The following RABGAP1L variants were observed in gnomAD, a reference collection of about 807,000 sequenced individuals.
RABGAP1L encodes RAB GTPase activating protein 1 like, also known as rab GTPase-activating protein 1-like.
Under a neutral mutation model 137.7 loss-of-function variants are expected in RABGAP1L, and 63 were observed. The ratio of observed to expected loss-of-function variants is 0.46; its 90% CI spans 0.37 to 0.56. The LOEUF is 0.56. Ranked by LOEUF, RABGAP1L falls within the 20% of genes least tolerant of loss-of-function variation. The pLI is 0.00. For missense variants in RABGAP1L, 1,095 were observed against 1,244.0 expected, an observed-to-expected ratio of 0.88 and a Z score of 1.80; for synonymous variants, 431 against 433.7, an observed-to-expected ratio of 0.99 and a Z score of 0.08.
At chr1:174,847,389 T>C (rs370179071) in intron 19 of RABGAP1L, among the ~76,000 whole-genome samples, 8,549 of 151,274 alleles carry the variant, frequency 0.057, 323 homozygotes, top group Non-Finnish European at 0.087. Flanking sequence ...CCATGTTTAG[T>C]GCTTCCTTCA....
At chr1:174,673,497 A>T (rs532446236) in intron 14 of RABGAP1L, among the ~76,000 whole-genome samples, 1 of 152,206 alleles carries the variant, frequency 6.6e-6, no homozygotes, top group Admixed American at 6.5e-5. Context: ...CAGGTACCTG[A>T]GATGAGCTAT....
rs141779346 is a variant in RABGAP1L at position 174,684,564 on chromosome 1, A to G, written c.1899+968A>G. On this transcript the variant is annotated intron_variant, in intron 15 of 25. Coordinates refer to ENST00000681986, the MANE Select transcript of RABGAP1L (RefSeq NM_001366446.1). Reference sequence around the variant, plus strand: ...TTTATTCTAGAGCTAATGAGGAACCATTGATCACTTTGGAGCAAGGGAATA... The same window carrying G: ...TTTATTCTAGAGCTAATGAGGAACCGTTGATCACTTTGGAGCAAGGGAATA... Among the ~76,000 whole-genome samples, 109 of 152,328 alleles carry G rather than the reference A, an allele frequency of 7.2e-4. 1 individual carries two copies. Among genetic ancestry groups the G allele is most frequent in the African/African-American group, 2.4e-3 (101 of 41,576 alleles).
chr1:174,415,555 A>C (rs1248013849), intron 13 of RABGAP1L, among the ~76,000 whole-genome samples: 2 of 152,058 alleles, frequency 1.3e-5, no homozygotes, highest in African/African-American at 4.8e-5. Context: ...ATAGGTGACA[A>C]ATTTTTTGAA....
chr1:174,543,304 ATAGT>A (rs1238313708), intron 13 of RABGAP1L, among the ~76,000 whole-genome samples: 1 of 152,068 alleles, frequency 6.6e-6, no homozygotes, highest in Non-Finnish European at 1.5e-5. Context: ...TATATTTAGG[ATAGT>A]TAGTTCTTCT....
chr1:174,475,976 ATCTT>A (rs1658467300), intron 13 of RABGAP1L, among the ~76,000 whole-genome samples: 1 of 151,972 alleles, frequency 6.6e-6, no homozygotes, highest in South Asian at 2.1e-4. Flanking sequence ...AAGATTGTAA[ATCTT>A]TCTAAGTTGA....
chr1:174,630,838 A>C (rs898429045), intron 13 of RABGAP1L, among the ~76,000 whole-genome samples: 19 of 140,316 alleles, frequency 1.4e-4, no homozygotes, highest in East Asian at 7.1e-4. Context: ...CCTTTCAAAA[A>C]ACCAGCTCCT....
intron 19 of RABGAP1L, among the ~76,000 whole-genome samples, chr1:174,819,135 A>C (rs978386759): frequency 7.0e-6 from 1 of 142,026 alleles, no homozygotes; most frequent in Non-Finnish European, 1.5e-5. Context: ...GTGAGCTATG[A>C]CTGTGTCATT....
intron 11 of RABGAP1L, among the ~76,000 whole-genome samples, chr1:174,337,882 A>G (rs1450232060): frequency 1.3e-5 from 2 of 152,176 alleles, no homozygotes; most frequent in Non-Finnish European, 2.9e-5. Context: ...TGATTCTGAG[A>G]TGACAAAAAG....
intron 13 of RABGAP1L, among the ~76,000 whole-genome samples, chr1:174,426,122 A>G (rs1651926168): frequency 6.6e-6 from 1 of 152,030 alleles, no homozygotes; most frequent in African/African-American, 2.4e-5. Flanking sequence ...ACCACCAACA[A>G]TTTTGTTTCC....
At chr1:174,222,153 A>G (rs965645978) in intron 3 of RABGAP1L, among the ~76,000 whole-genome samples, 1 of 152,170 alleles carries the variant, frequency 6.6e-6, no homozygotes, top group African/African-American at 2.4e-5. Flanking sequence ...CGGATTAAAT[A>G]AAAGTTCTGA....
intron 18 of RABGAP1L, among the ~76,000 whole-genome samples, chr1:174,774,703 G>A (rs1686389910): frequency 6.6e-6 from 1 of 151,978 alleles, no homozygotes; most frequent in African/African-American, 2.4e-5. Context: ...AACATAGAGA[G>A]ACCTCATCTC....
intron 2 of RABGAP1L, among the ~76,000 whole-genome samples, chr1:174,219,644 T>C (rs1669603915): frequency 6.6e-6 from 1 of 152,240 alleles, no homozygotes; most frequent in Non-Finnish European, 1.5e-5. Flanking sequence ...TTGCTTTCAC[T>C]TGAGAGACTT....
At chr1:174,705,694 A>T (rs533084716) in intron 17 of RABGAP1L, 1 of 152,300 alleles carries the variant, frequency 6.6e-6, no homozygotes, top group East Asian at 1.9e-4. Flanking sequence ...CCACTAACTC[A>T]TCTTTGTCAA....
At chr1:174,414,608 AT>A (rs200956227) in intron 13 of RABGAP1L, among the ~76,000 whole-genome samples, 4 of 151,506 alleles carry the variant, frequency 2.6e-5, no homozygotes, top group East Asian at 1.9e-4. Context: ...GTGCTCCATG[AT>A]TTTTTTTTAA....
chr1:174,890,398 C>T (rs901185468), intron 19 of RABGAP1L, among the ~76,000 whole-genome samples: 2 of 152,172 alleles, frequency 1.3e-5, no homozygotes, highest in African/African-American at 4.8e-5. Flanking sequence ...CTCTCTCTCC[C>T]TACCATAGTA....
At chr1:174,398,785 G>A (rs185384083) in intron 13 of RABGAP1L, among the ~76,000 whole-genome samples, 17 of 152,184 alleles carry the variant, frequency 1.1e-4, no homozygotes, top group Admixed American at 1.1e-3. Context: ...AGAGAAAATA[G>A]GTATTGAGTA....
At chr1:174,583,018 A>G (rs765122557) in intron 13 of RABGAP1L, among the ~76,000 whole-genome samples, 20 of 152,224 alleles carry the variant, frequency 1.3e-4, no homozygotes, top group Non-Finnish European at 2.5e-4. Flanking sequence ...AAGGATTTAT[A>G]TCAGATTCTA....
chr1:174,823,127 GTTTA>G (rs1347007513), intron 19 of RABGAP1L, among the ~76,000 whole-genome samples: 1 of 152,128 alleles, frequency 6.6e-6, no homozygotes, highest in Non-Finnish European at 1.5e-5. Flanking sequence ...TCACCTAGTA[GTTTA>G]TTTTTCTTCA....
At chr1:174,516,120 T>TACACACACACACACACACACACAC (rs61414923) in intron 13 of RABGAP1L, among the ~76,000 whole-genome samples, 4 of 133,234 alleles carry the variant, frequency 3.0e-5, no homozygotes, top group Admixed American at 7.7e-5. Flanking sequence ...ACTGAAGCTC[T>TACACACACACACACACACACACAC]ACACACACAC....
Sources: gnomAD v4.1 joint callset for allele counts (sites outside exome capture counted in the v4.1 genomes callset) on GRCh38, gnomAD v4.1.1 for gene constraint, MANE v1.5 for transcripts, NCBI Gene and HGNC (gene_info 2026-07-23, HGNC 2026-07-21) for gene names.